The following OR4K1 variants were observed in gnomAD, a reference collection of about 807,000 sequenced individuals.
The protein encoded by OR4K1 is olfactory receptor 4K1.
Under a neutral mutation model 14.4 loss-of-function variants are expected in OR4K1, and 16 were observed. That is an observed-to-expected ratio of 1.11 (90% CI 0.75 to 1.68). The LOEUF is 1.68. Among genes scored for constraint, OR4K1 ranks in the 40% most tolerant of loss-of-function variants. The pLI is 0.00. For synonymous variants in OR4K1, 181 were observed against 133.1 expected, an observed-to-expected ratio of 1.36 and a Z score of -2.48; for missense variants, 548 against 376.9, an observed-to-expected ratio of 1.45 and a Z score of -3.76.
chr14:19,921,314 A>G, the OR4K1 span: 1 of 1,614,164 alleles, frequency 6.2e-7, no homozygotes, highest in Non-Finnish European at 8.5e-7. Context: ...TGGCAAAGGC[A>G]TTTTCTACGC....
rs781130836 is a variant in OR4K1 at position 19,936,538 on chromosome 14, A to G, written c.872A>G (p.Asn291Ser). ...AACCCCATCATCTACTCTCTGAGGA[A>G]TGAAGATGTTAAAGCAGCCATGTGG... The part of the protein sequence containing the change: ...LLNPIIYSLR[N>S]EDVKAAMWKL... Residue 291 changes from asparagine (N) to serine (S), a missense_variant, in exon 2 of 2, where the codon AAT becomes AGT. Coordinates refer to ENST00000641172, the MANE Select transcript of OR4K1 (RefSeq NM_001004063.3). 1 of 1,612,286 alleles carries G rather than the reference A, an allele frequency of 6.2e-7. No homozygotes were observed. The highest frequency in any genetic ancestry group is 8.5e-7 in the Non-Finnish European group (1 of 1,179,500).
chr14:19,925,871 A>C, the OR4K1 span, among the ~76,000 whole-genome samples: 1 of 152,282 alleles, frequency 6.6e-6, no homozygotes, highest in African/African-American at 2.4e-5. Flanking sequence ...TCACAGGACA[A>C]GGAGGAAAGT....
At chr14:19,926,711 C>A (rs1253761382), upstream of OR4K1, among the ~76,000 whole-genome samples, 2 of 152,244 alleles carry the variant, frequency 1.3e-5, no homozygotes, top group East Asian at 3.8e-4. Flanking sequence ...TTCAGTGGGT[C>A]CCCGTACTAA....
the OR4K1 span, among the ~76,000 whole-genome samples, chr14:19,925,233 G>C: frequency 6.6e-6 from 1 of 152,180 alleles, no homozygotes; most frequent in South Asian, 2.1e-4. Flanking sequence ...TGAGTTGGCT[G>C]TCAAAAACTG....
intron 1 of OR4K1, among the ~76,000 whole-genome samples, chr14:19,934,419 A>G (rs1882256360): frequency 6.6e-6 from 1 of 152,262 alleles, no homozygotes; most frequent in East Asian, 1.9e-4. Context: ...GACAAATTCA[A>G]GTTTGTCAGG....
upstream of OR4K1, among the ~76,000 whole-genome samples, chr14:19,928,363 T>C (rs1039149017): frequency 1.3e-5 from 2 of 152,202 alleles, no homozygotes; most frequent in Non-Finnish European, 2.9e-5. Context: ...TATACTTCAG[T>C]TATGGAAAGC....
chr14:19,935,234 G>A (rs953301600), intron 1 of OR4K1, among the ~76,000 whole-genome samples: 1 of 152,004 alleles, frequency 6.6e-6, no homozygotes, highest in Non-Finnish European at 1.5e-5. Context: ...CTTCACTTTT[G>A]GCTAGCAAAT....
At chr14:19,929,312 T>C (rs1882131423), upstream of OR4K1, among the ~76,000 whole-genome samples, 1 of 149,464 alleles carries the variant, frequency 6.7e-6, no homozygotes, top group Non-Finnish European at 1.5e-5. Flanking sequence ...TATATAGATA[T>C]ATATAATTAA....
At chr14:19,924,518 G>A in the OR4K1 span, among the ~76,000 whole-genome samples, 399 of 151,968 alleles carry the variant, frequency 2.6e-3, 1 homozygote, top group African/African-American at 9.1e-3. Context: ...GGTGTGAGAT[G>A]GTATTTCATT....
At chr14:19,935,088 T>G (rs1882274820) in intron 1 of OR4K1, among the ~76,000 whole-genome samples, 1 of 152,268 alleles carries the variant, frequency 6.6e-6, no homozygotes, top group African/African-American at 2.4e-5. Context: ...TTCGTTAATT[T>G]AATTTTTATT....
intron 1 of OR4K1, among the ~76,000 whole-genome samples, chr14:19,934,152 A>G (rs984726460): frequency 3.9e-5 from 6 of 152,242 alleles, no homozygotes; most frequent in East Asian, 1.9e-4. Flanking sequence ...TTCAGTTAGT[A>G]TAAGGACAAA....
At chr14:19,921,228 C>CT in the OR4K1 span, 1 of 1,614,072 alleles carries the variant, frequency 6.2e-7, no homozygotes, top group Non-Finnish European at 8.5e-7. Context: ...AATTCTTTCC[C>CT]TAAGCACTTT....
chr14:19,926,693 T>C (rs1176107899), upstream of OR4K1, among the ~76,000 whole-genome samples: 1 of 152,254 alleles, frequency 6.6e-6, no homozygotes, highest in African/African-American at 2.4e-5. Flanking sequence ...TTCATAGTAT[T>C]TCCAGTTTTC....
chr14:19,936,007 T>C lies in OR4K1; in HGVS notation c.341T>C (p.Leu114Ser), dbSNP rs373692915. Reference sequence around the variant, plus strand: ...AGTTTTGTTGGGAGTGAGATGATGTTGCTTGTAGCTATGGCATATGACAGA... The same window carrying C: ...AGTTTTGTTGGGAGTGAGATGATGTCGCTTGTAGCTATGGCATATGACAGA... ...LHSFVGSEMM[L>S]LVAMAYDRFI... Residue 114 changes from leucine (L) to serine (S), a missense_variant, in exon 2 of 2, where the codon TTG becomes TCG. Leu to Ser is a moderately radical substitution (Grantham distance 145). Transcript: ENST00000641172. 34 of 1,614,148 alleles carry C rather than the reference T, an allele frequency of 2.1e-5. No homozygotes were observed. In the African/African-American group the frequency reaches 4.1e-4, roughly 20 times the overall value.
chr14:19,921,984 T>C, the OR4K1 span, among the ~76,000 whole-genome samples: 4 of 152,240 alleles, frequency 2.6e-5, no homozygotes, highest in Admixed American at 6.5e-5. Flanking sequence ...AATCTGAAAC[T>C]GAATTTTGCC....
chr14:19,921,107 T>G, the OR4K1 span: 56 of 1,614,054 alleles, frequency 3.5e-5, no homozygotes, highest in Non-Finnish European at 4.7e-5. Flanking sequence ...TGAACCTGCC[T>G]TTTTGTGGAC....
At chr14:19,926,167 T>G (rs1283382678), upstream of OR4K1, among the ~76,000 whole-genome samples, 6 of 152,278 alleles carry the variant, frequency 3.9e-5, no homozygotes, top group African/African-American at 1.4e-4. Flanking sequence ...AACCTCATAT[T>G]GAGTACATGA....
chr14:19,936,608 A>G lies in OR4K1; in HGVS notation c.*6A>G, dbSNP rs2792145. 623,839 of 1,519,814 alleles carry G rather than the reference A, an allele frequency of 0.41. 80,939 individuals carry two copies. Among genetic ancestry groups the G allele is most frequent in the East Asian group, 0.6 (26,589 of 44,100 alleles). The allele number at this position is 1,519,814 out of a possible 1,614,324, so 94.1% of individuals were successfully genotyped here. On this transcript the variant is annotated 3_prime_UTR_variant, in exon 2 of 2. Transcript: ENST00000641172. ...TGAACTCCTGGAAAAACTAGGGATC[A>G]TTACGAAGGAGCATAATCCTGAATT...
At chr14:19,933,285 T>C (rs550733800) in intron 1 of OR4K1, among the ~76,000 whole-genome samples, 1 of 152,238 alleles carries the variant, frequency 6.6e-6, no homozygotes, top group South Asian at 2.1e-4. Context: ...TTCCATTAAA[T>C]AACTGCATTT....
Sources: allele counts gnomAD v4.1 joint callset (sites outside exome capture counted in the v4.1 genomes callset), GRCh38; gene constraint gnomAD v4.1.1; transcripts MANE v1.5; gene names NCBI Gene and HGNC (gene_info 2026-07-23, HGNC 2026-07-21).